Variants in RSPO3 observed in about 807,000 individuals in gnomAD.
The protein encoded by RSPO3 is R-spondin 3, also known as R-spondin-3.
A neutral mutation model predicts 36.5 loss-of-function variants in RSPO3; 17 were observed. That is an observed-to-expected ratio of 0.47 (90% CI 0.32 to 0.70). The LOEUF is 0.70. RSPO3 is among the 30% of genes least tolerant of loss of function. RSPO3 has a pLI of 0.04. For missense variants in RSPO3, 294 were observed against 322.5 expected (o/e 0.91, Z 0.68); for synonymous variants, 108 against 107.0 (o/e 1.01, Z -0.06).
At chr6:127,189,045 T>G (rs1775355227) in intron 4 of RSPO3, among the ~76,000 whole-genome samples, 1 of 152,168 alleles carries the variant, frequency 6.6e-6, no homozygotes, top group African/African-American at 2.4e-5. Context: ...TACTTAGAAG[T>G]TGGCCTGGTA....
At chr6:127,169,065 T>C (rs1054291050) in intron 4 of RSPO3, among the ~76,000 whole-genome samples, 1 of 151,928 alleles carries the variant, frequency 6.6e-6, no homozygotes, top group African/African-American at 2.4e-5. Flanking sequence ...TACCCAGTAA[T>C]GGGATTGCTG....
intron 1 of RSPO3, among the ~76,000 whole-genome samples, chr6:127,127,760 G>T (rs1209386826): frequency 6.6e-6 from 1 of 151,840 alleles, no homozygotes; most frequent in East Asian, 1.9e-4. Flanking sequence ...CAATCATGGT[G>T]CATTTTCTAA....
chr6:127,198,297 T>C lies in RSPO3; in HGVS notation c.*2290T>C, dbSNP rs1775555070. On this transcript the variant is annotated 3_prime_UTR_variant, in exon 5 of 5. Transcript: ENST00000356698. Reference sequence around the variant, plus strand: ...AAGAAATAAAAACTAACATTCATTTTCATATGTTGGATGAAATATAAATGA... The same window carrying C: ...AAGAAATAAAAACTAACATTCATTTCCATATGTTGGATGAAATATAAATGA... Among the ~76,000 whole-genome samples the C allele has an allele frequency of 1.3e-5, 2 of 152,234 alleles. No individual in the cohort carries two copies. Among genetic ancestry groups the C allele is most frequent in the Admixed American group, 6.5e-5 (1 of 15,288 alleles).
rs147858137 is a variant in RSPO3 at position 127,143,514 on chromosome 6, G to A, written c.98-5134G>A. ...TTTTATTGTTGTTAAAAATAACTTAGATCAAATTTGTGAATTTATTAATTT... is the reference window on the plus strand; with the variant it reads ...TTTTATTGTTGTTAAAAATAACTTAAATCAAATTTGTGAATTTATTAATTT... On this transcript the variant is annotated intron_variant, in intron 1 of 4. Coordinates refer to ENST00000356698, the MANE Select transcript of RSPO3 (RefSeq NM_032784.5). 9.7e-3 allele frequency among the ~76,000 whole-genome samples: 1,474 copies of A among 152,210 alleles called. 23 individuals are homozygous for A. Among genetic ancestry groups the A allele is most frequent in the African/African-American group, 0.034 (1,417 of 41,524 alleles).
intron 4 of RSPO3, among the ~76,000 whole-genome samples, chr6:127,185,617 CAT>C (rs1562254449): frequency 1.3e-5 from 2 of 152,010 alleles, no homozygotes; most frequent in Non-Finnish European, 2.9e-5. Context: ...GAGTGAGACA[CAT>C]GATACGTGGA....
intron 1 of RSPO3, among the ~76,000 whole-genome samples, chr6:127,124,857 G>T (rs1026419657): frequency 1.3e-5 from 2 of 152,058 alleles, no homozygotes; most frequent in African/African-American, 4.8e-5. Context: ...AAAGAATGGG[G>T]TGTTCCATTC....
chr6:127,140,947 G>A (rs1774257360), intron 1 of RSPO3, among the ~76,000 whole-genome samples: 2 of 152,110 alleles, frequency 1.3e-5, no homozygotes. Flanking sequence ...AGACTTAAAG[G>A]TTCTTCCCTG....
chr6:127,189,486 T>A (rs758182296), intron 4 of RSPO3, among the ~76,000 whole-genome samples: 4 of 152,104 alleles, frequency 2.6e-5, no homozygotes, highest in Non-Finnish European at 5.9e-5. Flanking sequence ...AGGGCCATGT[T>A]AAGAAGCTTG....
At chr6:127,140,890 G>C (rs533318214) in intron 1 of RSPO3, among the ~76,000 whole-genome samples, 64 of 152,058 alleles carry the variant, frequency 4.2e-4, no homozygotes, top group Admixed American at 1.4e-3. Context: ...CTCTTCCTGG[G>C]TTTACATAAT....
chr6:127,167,745 T>C (rs1263197902), intron 4 of RSPO3, among the ~76,000 whole-genome samples: 1 of 152,056 alleles, frequency 6.6e-6, no homozygotes, highest in Non-Finnish European at 1.5e-5. Flanking sequence ...TATCTCCTAA[T>C]GCTATCCCTC....
At chr6:127,195,218 G>A (rs1188806784) in intron 4 of RSPO3, among the ~76,000 whole-genome samples, 1 of 152,122 alleles carries the variant, frequency 6.6e-6, no homozygotes, top group African/African-American at 2.4e-5. Context: ...TCAGGCTGGA[G>A]AGTACAGTGG....
intron 4 of RSPO3, among the ~76,000 whole-genome samples, chr6:127,182,270 A>C (rs1020122806): frequency 1.3e-5 from 2 of 151,906 alleles, no homozygotes; most frequent in African/African-American, 4.8e-5. Context: ...TTTGCGCTCA[A>C]ATTTCAACAT....
At chr6:127,176,428 A>G (rs1363495690) in intron 4 of RSPO3, among the ~76,000 whole-genome samples, 1 of 151,674 alleles carries the variant, frequency 6.6e-6, no homozygotes, top group Non-Finnish European at 1.5e-5. Flanking sequence ...GGAACTTGTT[A>G]TTTCCTTTTT....
At chr6:127,120,205 T>C (rs1369574141) in intron 1 of RSPO3, among the ~76,000 whole-genome samples, 1 of 152,130 alleles carries the variant, frequency 6.6e-6, no homozygotes, top group African/African-American at 2.4e-5. Flanking sequence ...GGTTGGTCTG[T>C]CTGAAAGGTA....
intron 1 of RSPO3, among the ~76,000 whole-genome samples, chr6:127,142,727 TATAG>T (rs1311387172): frequency 2.0e-5 from 3 of 152,230 alleles, no homozygotes; most frequent in Admixed American, 2.0e-4. Flanking sequence ...CTTAAATTGT[TATAG>T]ATACTTTCTG....
At chr6:127,143,991 A>C (rs966742977) in intron 1 of RSPO3, among the ~76,000 whole-genome samples, 2 of 152,224 alleles carry the variant, frequency 1.3e-5, no homozygotes, top group Non-Finnish European at 2.9e-5. Flanking sequence ...TGGTTGCATC[A>C]GTTATGTATC....
In RSPO3 at chr6:127,160,354, T is replaced by C. The variant is rs1268900003; in HGVS notation, c.634+4916T>C. On this transcript the variant is annotated intron_variant, in intron 4 of 4. Coordinates refer to ENST00000356698, the MANE Select transcript of RSPO3 (RefSeq NM_032784.5). ...CTTGAAAGAATGTAGGCACTACCAA[T>C]GCAGTGAAGAGGACCCTGAAAAGTG... Among the ~76,000 whole-genome samples, 8 of 152,190 alleles carry C rather than the reference T, an allele frequency of 5.3e-5. No individual in the cohort carries two copies. In the East Asian group the frequency reaches 1.5e-3, roughly 29 times the overall value.
intron 1 of RSPO3, among the ~76,000 whole-genome samples, chr6:127,141,017 T>G (rs1774259330): frequency 6.6e-6 from 1 of 152,214 alleles, no homozygotes; most frequent in South Asian, 2.1e-4. Flanking sequence ...GTTTGTTGCC[T>G]TAACAACACT....
intron 4 of RSPO3, among the ~76,000 whole-genome samples, chr6:127,172,140 T>G (rs1392794600): frequency 6.6e-6 from 1 of 150,902 alleles, no homozygotes; most frequent in African/African-American, 2.4e-5. Flanking sequence ...CTCTATACAC[T>G]GAAATGCCTG....
Sources: allele counts gnomAD v4.1 joint callset (sites outside exome capture counted in the v4.1 genomes callset), GRCh38; gene constraint gnomAD v4.1.1; transcripts MANE v1.5; gene names NCBI Gene and HGNC (gene_info 2026-07-23, HGNC 2026-07-21).